EXT2: variants seen among roughly 807,000 people sequenced by gnomAD.
The protein encoded by EXT2 is exostosin-2.
Under a neutral mutation model 81.6 loss-of-function variants are expected in EXT2, and 53 were observed. The ratio of observed to expected loss-of-function variants is 0.65; its 90% confidence interval spans 0.52 to 0.82. The LOEUF is 0.82. EXT2 is among the 40% of genes least tolerant of loss of function. The pLI is 0.00. For synonymous variants in EXT2, 320 were observed against 340.0 expected (o/e 0.94, Z 0.65); for missense variants, 774 against 910.2 (o/e 0.85, Z 1.93).
In EXT2 at chr11:44,118,587, C is replaced by G. The variant is rs118056875; in HGVS notation, c.743+4286C>G. Reference sequence around the variant, plus strand: ...AAGTTGAATATTTTTTAGCAGTATTCATCATTAAATATGAGCAAAACTATC... The same window carrying G: ...AAGTTGAATATTTTTTAGCAGTATTGATCATTAAATATGAGCAAAACTATC... On this transcript the variant is annotated intron_variant, in intron 4 of 13. Coordinates refer to ENST00000533608, the MANE Select transcript of EXT2 (RefSeq NM_207122.2). 3.8e-3 allele frequency among the ~76,000 whole-genome samples: 573 copies of G among 152,232 alleles called. 12 individuals are homozygous for G. The East Asian group carries it at 0.052, about 14-fold the overall frequency.
At chr11:44,193,913 C>T (rs935288941) in intron 8 of EXT2, among the ~76,000 whole-genome samples, 2 of 152,176 alleles carry the variant, frequency 1.3e-5, no homozygotes, top group Non-Finnish European at 2.9e-5. Context: ...TCCTTCCTGT[C>T]CTTCCTCCTC....
chr11:44,213,922 T>C (rs189012830), intron 10 of EXT2, among the ~76,000 whole-genome samples: 94 of 152,346 alleles, frequency 6.2e-4, no homozygotes, highest in African/African-American at 2.0e-3. Flanking sequence ...TAAATTTACA[T>C]AAATTGTGTA....
Position 44,146,857 on chromosome 11 carries a change from T to A in EXT2, c.1173+16719T>A, listed in dbSNP as rs139837942. Among the ~76,000 whole-genome samples the A allele has an allele frequency of 7.6e-3, 1,153 of 152,290 alleles. 5 individuals carry two copies. Among genetic ancestry groups the A allele is most frequent in the Non-Finnish European group, 0.012 (807 of 68,010 alleles). ...GAAGGTTCAGGATTCTACACTAGAT[T>A]GAGAGCTTTGGTCCTTTAACAAATG... On this transcript the variant is annotated intron_variant, in intron 7 of 13. Coordinates refer to ENST00000533608, the MANE Select transcript of EXT2 (RefSeq NM_207122.2).
rs1955077185 is a variant in EXT2 at position 44,171,718 on chromosome 11, A to C, written c.1281A>C (p.Glu427Asp). The part of the protein sequence containing the change: ...RIYPYAAISY[E>D]EWNDPPAVKW... ...ATCCATATGCTGCCATCTCCTATGAAGAATGGAATGACCCTCCTGCTGTGG... is the reference window on the plus strand; with the variant it reads ...ATCCATATGCTGCCATCTCCTATGACGAATGGAATGACCCTCCTGCTGTGG... The change falls in exon 8 of 14, where the codon GAA becomes GAC. Residue 427 changes from glutamate to aspartate, a missense_variant. Physicochemically the swap from Glu to Asp is conservative, Grantham distance 45 (BLOSUM62 2). This residue lies in a region of EXT2 where 626 missense variants were observed against 670.5 expected (regional missense o/e 0.93). Transcript: ENST00000533608. 2 of 1,614,094 alleles carry C rather than the reference A, an allele frequency of 1.2e-6. No individual in the cohort carries two copies. The highest frequency in any genetic ancestry group is 1.7e-6 in the Non-Finnish European group (2 of 1,179,940).
At chr11:44,160,081 T>C (rs1000389356) in intron 7 of EXT2, among the ~76,000 whole-genome samples, 4 of 152,254 alleles carry the variant, frequency 2.6e-5, no homozygotes, top group African/African-American at 7.2e-5. Flanking sequence ...GGGGTTGTTC[T>C]CTAGTATTCT....
At chr11:44,134,457 T>C (rs1954537737) in intron 7 of EXT2, among the ~76,000 whole-genome samples, 1 of 152,210 alleles carries the variant, frequency 6.6e-6, no homozygotes, top group Admixed American at 6.5e-5. Flanking sequence ...AAGTTGGGGC[T>C]AAAGCTGTCA....
intron 3 of EXT2, among the ~76,000 whole-genome samples, chr11:44,112,244 G>A (rs994269127): frequency 2.0e-5 from 3 of 152,194 alleles, no homozygotes; most frequent in Non-Finnish European, 4.4e-5. Flanking sequence ...ATACAAGGCC[G>A]TGGAGAGGAA....
intron 9 of EXT2, 87 bp from the exon 10 acceptor site, chr11:44,206,706 C>T (rs1955586742): frequency 1.4e-6 from 2 of 1,400,690 alleles, no homozygotes; most frequent in Non-Finnish European, 2.0e-6. Flanking sequence ...AGCTGATTCT[C>T]CCATCTCATT....
At position 44,248,548 on chromosome 11, in the gene EXT2, T is replaced by C. The variant is rs1381455785; in HGVS notation, c.*4261T>C. On this transcript the variant is annotated 3_prime_UTR_variant, in exon 14 of 14. Transcript: ENST00000533608. ...CCCATTATACCAGCCATGCATCATC[T>C]GTGAACAGGCCTTATTGAGCTTATC... Among the ~76,000 whole-genome samples, 1 of 152,240 alleles carries C rather than the reference T, an allele frequency of 6.6e-6. No individual in the cohort carries two copies. Among genetic ancestry groups the C allele is most frequent in the Non-Finnish European group, 1.5e-5 (1 of 68,042 alleles).
intron 7 of EXT2, among the ~76,000 whole-genome samples, chr11:44,140,432 C>G (rs1223648748): frequency 1.3e-5 from 2 of 152,210 alleles, no homozygotes; most frequent in African/African-American, 2.4e-5. Context: ...CCTTTTTACC[C>G]TCTCTGTTAT....
At chr11:44,135,236 A>G (rs564599712) in intron 7 of EXT2, among the ~76,000 whole-genome samples, 11 of 152,304 alleles carry the variant, frequency 7.2e-5, no homozygotes, top group Non-Finnish European at 1.5e-4. Context: ...ATTTTATCCT[A>G]CTTGCATACA....
chr11:44,165,234 A>G (rs1189874631), intron 7 of EXT2, among the ~76,000 whole-genome samples: 4 of 152,210 alleles, frequency 2.6e-5, no homozygotes, highest in African/African-American at 9.6e-5. Flanking sequence ...AAAAGCCATA[A>G]TAAGCACTTA....
At chr11:44,194,547 A>G (rs940475141) in intron 8 of EXT2, among the ~76,000 whole-genome samples, 1 of 152,128 alleles carries the variant, frequency 6.6e-6, no homozygotes, top group Middle Eastern at 3.2e-3. Context: ...CTGAAATCAG[A>G]TTGCTTGAGT....
intron 7 of EXT2, among the ~76,000 whole-genome samples, chr11:44,142,315 G>A (rs1954657106): frequency 6.6e-6 from 1 of 152,152 alleles, no homozygotes; most frequent in Non-Finnish European, 1.5e-5. Context: ...CTGTTCTTGG[G>A]AATGTTTAGA....
chr11:44,130,217 T>G (rs1954472898), intron 7 of EXT2, 79 bp downstream of exon 7: 2 of 1,113,408 alleles, frequency 1.8e-6, no homozygotes, highest in African/African-American at 3.1e-5. Flanking sequence ...GGACAGGAGC[T>G]GAATGCCTGA....
chr11:44,119,145 T>TATATATATAC (rs1954271840), intron 4 of EXT2, among the ~76,000 whole-genome samples: 1 of 47,612 alleles, frequency 2.1e-5, no homozygotes. Flanking sequence ...TATATATATA[T>TATATATATAC]ATATATATAT....
intron 7 of EXT2, among the ~76,000 whole-genome samples, chr11:44,170,559 C>T (rs1268228297): frequency 1.3e-5 from 2 of 151,988 alleles, no homozygotes; most frequent in African/African-American, 4.8e-5. Context: ...ATTGATAAAG[C>T]TCTACTAAGA....
chr11:44,111,726 C>T (rs1356251342), intron 3 of EXT2, among the ~76,000 whole-genome samples: 1 of 152,182 alleles, frequency 6.6e-6, no homozygotes, highest in East Asian at 1.9e-4. Flanking sequence ...CGATCATTAT[C>T]TTGAGGCCCG....
intron 7 of EXT2, among the ~76,000 whole-genome samples, chr11:44,138,114 A>G (rs1214949049): frequency 6.6e-6 from 1 of 152,166 alleles, no homozygotes; most frequent in East Asian, 1.9e-4. Context: ...TGGAGAGACT[A>G]GTAGGTAAGA....
Sources: gnomAD v4.1 joint callset for allele counts (sites outside exome capture counted in the v4.1 genomes callset) on GRCh38, gnomAD v4.1.1 for gene constraint, gnomAD v4.1.1 regional missense constraint, MANE v1.5 for transcripts, NCBI Gene and HGNC (gene_info 2026-07-23, HGNC 2026-07-21) for gene names.